The following MAGI2 variants were observed in gnomAD, a reference collection of about 807,000 sequenced individuals.
MAGI2 encodes the protein membrane-associated guanylate kinase, WW and PDZ domain-containing protein 2.
MAGI2 carries 35 observed loss-of-function variants against 133.3 expected under a neutral mutation model. The ratio of observed to expected loss-of-function variants is 0.26; its 90% confidence interval spans 0.20 to 0.35. The LOEUF (loss-of-function observed/expected upper bound fraction) is 0.35, where lower values mean the gene tolerates loss of function less well. Among genes scored for constraint, MAGI2 ranks in the 10% least tolerant of loss-of-function variants. The pLI, the probability that MAGI2 is intolerant of heterozygous loss-of-function variation, is 1.00. For missense variants in MAGI2, 1,636 were observed against 1,863.4 expected (o/e 0.88, Z 2.25); for synonymous variants, 729 against 710.6 (o/e 1.03, Z -0.41).
intron 9 of MAGI2, among the ~76,000 whole-genome samples, chr7:78,342,219 G>T (rs1344083277): frequency 6.6e-6 from 1 of 152,074 alleles, no homozygotes; most frequent in Non-Finnish European, 1.5e-5. Context: ...CATCATCACT[G>T]GCCATCAGAG....
chr7:78,854,239 A>C, intron 2 of MAGI2, among the ~76,000 whole-genome samples: 1 of 152,232 alleles, frequency 6.6e-6, no homozygotes, highest in East Asian at 1.9e-4. Flanking sequence ...TAGATTATAT[A>C]TTTAATGTAA....
chr7:78,503,560 C>CCCTCCTCCTCCT (rs1794811638), intron 4 of MAGI2, among the ~76,000 whole-genome samples: 8 of 39,512 alleles, frequency 2.0e-4, no homozygotes, highest in Non-Finnish European at 3.8e-4. Context: ...CTCCATCTCC[C>CCCTCCTCCTCCT]CCTCCCCCTC....
chr7:78,664,410 T>C (rs957978173), intron 2 of MAGI2, among the ~76,000 whole-genome samples: 2 of 152,100 alleles, frequency 1.3e-5, no homozygotes, highest in Non-Finnish European at 2.9e-5. Context: ...TCCATTATAA[T>C]GGAAACATTC....
chr7:78,023,070 G>A (rs536418250), intron 21 of MAGI2, among the ~76,000 whole-genome samples: 2 of 152,220 alleles, frequency 1.3e-5, no homozygotes, highest in Admixed American at 1.3e-4. Flanking sequence ...AGTTCAGTAC[G>A]AAACATATGG....
Position 78,894,349 on chromosome 7 carries a change from C to T in MAGI2, c.418+112741G>A, listed in dbSNP as rs186576769. Among the ~76,000 whole-genome samples, 94 of 152,080 alleles carry T rather than the reference C, an allele frequency of 6.2e-4. 1 individual carries two copies. In the South Asian group the frequency reaches 0.019, roughly 31 times the overall value. On this transcript the variant is annotated intron_variant, in intron 2 of 21. Transcript: ENST00000354212. ...CCCGGGTGGCAGAGCTTGCAGTGAG[C>T]GGAGATCGCACATGGGCGACAAAGC...
intron 1 of MAGI2, among the ~76,000 whole-genome samples, chr7:79,070,469 A>G (rs1584853093): frequency 6.7e-6 from 1 of 149,986 alleles, no homozygotes; most frequent in Non-Finnish European, 1.5e-5. Context: ...TCATTTTTTT[A>G]TTTTTTATTA....
rs577341702 is a variant in MAGI2 at position 79,328,830 on chromosome 7, G to A, written c.301+124190C>T. 6.6e-5 allele frequency among the ~76,000 whole-genome samples: 10 copies of A among 152,172 alleles called. No homozygotes were observed. The East Asian group carries it at 1.9e-3, about 29-fold the overall frequency. Reference sequence around the variant, plus strand: ...CTTAAACCATCCAGAACACTGGTTGGCACGTAATTTCTATGTAGTTATAAT... The same window carrying A: ...CTTAAACCATCCAGAACACTGGTTGACACGTAATTTCTATGTAGTTATAAT... On this transcript the variant is annotated intron_variant, in intron 1 of 21. Coordinates refer to ENST00000354212, the MANE Select transcript of MAGI2 (RefSeq NM_012301.4).
At chr7:78,355,316 CT>C (rs1791957994) in intron 7 of MAGI2, among the ~76,000 whole-genome samples, 1 of 152,142 alleles carries the variant, frequency 6.6e-6, no homozygotes, top group South Asian at 2.1e-4. Context: ...CATTTGTGCA[CT>C]TTTAAAGTTA....
chr7:78,769,353 C>G (rs1366336337), intron 2 of MAGI2, among the ~76,000 whole-genome samples: 3 of 151,876 alleles, frequency 2.0e-5, no homozygotes, highest in Admixed American at 6.6e-5. Context: ...GTTTGATGAG[C>G]CCACTTAACA....
At chr7:78,345,163 CAT>C (rs899709081) in intron 8 of MAGI2, among the ~76,000 whole-genome samples, 12 of 152,254 alleles carry the variant, frequency 7.9e-5, no homozygotes, top group African/African-American at 2.9e-4. Context: ...TTCTTTAAAA[CAT>C]AAATAAAAAC....
At chr7:78,065,160 C>T (rs563663487) in intron 21 of MAGI2, among the ~76,000 whole-genome samples, 1 of 152,266 alleles carries the variant, frequency 6.6e-6, no homozygotes, top group South Asian at 2.1e-4. Flanking sequence ...GCTAGAAGGT[C>T]TGGCAACTGT....
chr7:79,287,243 G>A (rs751175355), intron 1 of MAGI2, among the ~76,000 whole-genome samples: 1 of 152,062 alleles, frequency 6.6e-6, no homozygotes, highest in Non-Finnish European at 1.5e-5. Flanking sequence ...GCACTCTCAA[G>A]TTTGGAAAGT....
chr7:78,955,772 T>TCTTTC (rs1802316495), intron 2 of MAGI2, among the ~76,000 whole-genome samples: 1 of 149,596 alleles, frequency 6.7e-6, no homozygotes, highest in Non-Finnish European at 1.5e-5. Context: ...TTTCTTTCTT[T>TCTTTC]CTTTCTTTCT....
intron 2 of MAGI2, among the ~76,000 whole-genome samples, chr7:78,888,229 A>T (rs894669352): frequency 1.3e-5 from 2 of 152,192 alleles, no homozygotes; most frequent in African/African-American, 4.8e-5. Context: ...CAAAGCGGCC[A>T]GGAAGCTCGA....
chr7:78,249,943 A>G (rs1440669149), intron 10 of MAGI2, among the ~76,000 whole-genome samples: 1 of 152,118 alleles, frequency 6.6e-6, no homozygotes, highest in Admixed American at 6.5e-5. Flanking sequence ...ATGTGTTGAA[A>G]CATCATATAC....
At chr7:78,880,099 TG>T (rs1352500320) in intron 2 of MAGI2, among the ~76,000 whole-genome samples, 2 of 151,554 alleles carry the variant, frequency 1.3e-5, no homozygotes, top group East Asian at 3.9e-4. Context: ...TATAAATTAC[TG>T]GCATTCCTGA....
chr7:79,128,661 A>G (rs1312302231), intron 1 of MAGI2, among the ~76,000 whole-genome samples: 1 of 152,200 alleles, frequency 6.6e-6, no homozygotes, highest in Non-Finnish European at 1.5e-5. Flanking sequence ...CATTCATTAA[A>G]CAGGCTTGTG....
chr7:78,158,366 A>G (rs1824603885), intron 16 of MAGI2: 1 of 152,194 alleles, frequency 6.6e-6, no homozygotes, highest in Non-Finnish European at 1.5e-5. Flanking sequence ...GTAGAAAAGG[A>G]AAAACAACCA....
intron 2 of MAGI2, among the ~76,000 whole-genome samples, chr7:78,895,818 T>G (rs1305392958): frequency 6.6e-6 from 1 of 152,202 alleles, no homozygotes; most frequent in Non-Finnish European, 1.5e-5. Context: ...AAAAGGTTTA[T>G]AGTTTTGAGG....
Sources: gnomAD v4.1 joint callset for allele counts (sites outside exome capture counted in the v4.1 genomes callset) on GRCh38, gnomAD v4.1.1 for gene constraint, MANE v1.5 for transcripts, NCBI Gene and HGNC (gene_info 2026-07-23, HGNC 2026-07-21) for gene names.